Variants in USH2A observed in about 807,000 individuals in gnomAD.
USH2A encodes the protein Usher syndrome 2A (autosomal recessive, mild).
In USH2A, 443 loss-of-function variants were observed where a neutral mutation model predicts 538.9. The observed-to-expected ratio is 0.82, with a 90% CI of 0.76 to 0.89. The LOEUF (loss-of-function observed/expected upper bound fraction) is 0.89, where lower values mean the gene tolerates loss of function less well. USH2A is among the 40% of genes least tolerant of loss of function. The pLI is 0.00. For synonymous variants in USH2A, 2,413 were observed against 2,273.5 expected (o/e 1.06, Z -1.75); for missense variants, 6,633 against 6,324.8 (o/e 1.05, Z -1.65).
chr1:216,079,725 A>G (rs986331087), intron 26 of USH2A, among the ~76,000 whole-genome samples: 24 of 152,168 alleles, frequency 1.6e-4, no homozygotes, highest in Admixed American at 3.9e-4. Flanking sequence ...CAGACATAAG[A>G]AGTACACATT....
chr1:216,185,783 T>C (rs1466197774), intron 20 of USH2A, among the ~76,000 whole-genome samples: 1 of 152,008 alleles, frequency 6.6e-6, no homozygotes, highest in Admixed American at 6.6e-5. Context: ...TATGATTTAA[T>C]GTCTATACTT....
intron 3 of USH2A, among the ~76,000 whole-genome samples, chr1:216,386,540 ACTAT>A (rs1558065603): frequency 3.9e-5 from 2 of 51,070 alleles, no homozygotes; most frequent in African/African-American, 1.3e-4. Context: ...AAACCAAAAA[ACTAT>A]ATATATATAT....
intron 37 of USH2A, 134 bp downstream of exon 37, chr1:215,965,183 A>G (rs751038678): frequency 9.8e-7 from 1 of 1,016,200 alleles, no homozygotes; most frequent in Non-Finnish European, 1.4e-6. Context: ...GCTTATCCGT[A>G]TAGGTTATTT....
intron 21 of USH2A, among the ~76,000 whole-genome samples, chr1:216,136,514 AGATT>A (rs1282908583): frequency 6.6e-6 from 1 of 152,278 alleles, no homozygotes; most frequent in African/African-American, 2.4e-5. Context: ...TTCCTGCATC[AGATT>A]GATTCTTTAC....
At chr1:215,771,448 C>T (rs1328048859) in intron 55 of USH2A, among the ~76,000 whole-genome samples, 2 of 149,380 alleles carry the variant, frequency 1.3e-5, no homozygotes, top group Non-Finnish European at 3.0e-5. Context: ...GGCGTAGTGG[C>T]GGGCGCCTGC....
chr1:216,019,700 G>A (rs1668801735), intron 32 of USH2A, among the ~76,000 whole-genome samples: 1 of 152,148 alleles, frequency 6.6e-6, no homozygotes, highest in African/African-American at 2.4e-5. Context: ...CAAAGGCTGG[G>A]AGAGCGTCAC....
At chr1:216,088,877 G>A in intron 23 of USH2A, 136 bp downstream of exon 23, 1 of 1,358,770 alleles carries the variant, frequency 7.4e-7, no homozygotes, top group Non-Finnish European at 1.0e-6. Flanking sequence ...GCATCCCAAA[G>A]GCAAATTCAA....
At chr1:216,077,752 T>G (rs1201463872) in intron 27 of USH2A, among the ~76,000 whole-genome samples, 1 of 149,826 alleles carries the variant, frequency 6.7e-6, no homozygotes, top group Non-Finnish European at 1.5e-5. Flanking sequence ...ATTTTGATAT[T>G]TATTCAGTAA....
chr1:216,410,150 T>TCAAA lies in USH2A; in HGVS notation c.651+8363_651+8364insTTTG, dbSNP rs1558076080. ...TGTCAATCAAAACCACAATGAAAGA[T>TCAAA]ACCATCTCACATCAGTCAGAATGTC... On this transcript the variant is annotated intron_variant, in intron 3 of 71. Transcript: ENST00000307340. Among the ~76,000 whole-genome samples the TCAAA allele has an allele frequency of 2.3e-3, 307 of 132,050 alleles. 2 individuals are homozygous for TCAAA. The East Asian group carries it at 0.034, about 15-fold the overall frequency. 86.6% of individuals were successfully genotyped at this position (132,050 alleles called of 152,430 possible). A position where few individuals can be genotyped will look rare whatever the true frequency, so the allele number is the denominator to read the frequency against.
intron 30 of USH2A, among the ~76,000 whole-genome samples, chr1:216,057,745 A>G (rs2031029158): frequency 6.6e-6 from 1 of 152,184 alleles, no homozygotes; most frequent in South Asian, 2.1e-4. Flanking sequence ...TTTATGGTCT[A>G]CTATAAAAAC....
At chr1:215,910,178 T>A (rs993600301) in intron 38 of USH2A, among the ~76,000 whole-genome samples, 5 of 152,094 alleles carry the variant, frequency 3.3e-5, no homozygotes, top group Non-Finnish European at 7.4e-5. Flanking sequence ...GATAAGCTTT[T>A]TATTATATTA....
intron 11 of USH2A, among the ~76,000 whole-genome samples, chr1:216,262,877 A>G (rs1370237370): frequency 6.6e-6 from 1 of 152,050 alleles, no homozygotes; most frequent in African/African-American, 2.4e-5. Flanking sequence ...GATAATATTG[A>G]CAAACCATTA....
In USH2A at chr1:216,217,352, C is replaced by T. The variant is rs1324330; in HGVS notation, c.3157+35G>A. The stretch of plus-strand genomic sequence containing the variant: ...AGATGCAGTCCCCTGTATGATGCTG[C>T]TTCACACACCAGCACTGAACCAGAG... On this transcript the variant is annotated intron_variant, in intron 15 of 71. Transcript: ENST00000307340. The T allele has an allele frequency of 0.62, 993,689 of 1,609,818 alleles. 311,803 individuals are homozygous for T. The highest frequency in any genetic ancestry group is 0.79 in the East Asian group (35,268 of 44,530).
At chr1:216,083,724 T>C in intron 25 of USH2A, 138 bp from the exon 26 acceptor site, 1 of 865,896 alleles carries the variant, frequency 1.2e-6, no homozygotes, top group Non-Finnish European at 1.8e-6. Context: ...TGTTAAGAAA[T>C]TCCTTTTGTA....
At chr1:215,979,471 T>C (rs1202540519) in intron 35 of USH2A, among the ~76,000 whole-genome samples, 1 of 152,186 alleles carries the variant, frequency 6.6e-6, no homozygotes, top group Non-Finnish European at 1.5e-5. Flanking sequence ...TAAAGTCATA[T>C]ACAGAAAAAA....
At chr1:215,937,646 C>T (rs956318438) in intron 37 of USH2A, among the ~76,000 whole-genome samples, 1 of 152,064 alleles carries the variant, frequency 6.6e-6, no homozygotes, top group Non-Finnish European at 1.5e-5. Flanking sequence ...ATTACATGCT[C>T]AATTGTAAAC....
At chr1:215,740,194 TC>T (rs1055479790) in intron 60 of USH2A, among the ~76,000 whole-genome samples, 4 of 152,098 alleles carry the variant, frequency 2.6e-5, no homozygotes, top group Non-Finnish European at 5.9e-5. Context: ...CCTCCATCTC[TC>T]CCTCATTCTC....
chr1:215,749,418 A>G (rs1660563915), intron 58 of USH2A, among the ~76,000 whole-genome samples: 1 of 152,208 alleles, frequency 6.6e-6, no homozygotes, highest in Admixed American at 6.5e-5. Context: ...CTTTACATAT[A>G]CCTATGAGGT....
chr1:215,972,506 T>C (rs1667519918), intron 35 of USH2A, among the ~76,000 whole-genome samples: 1 of 152,186 alleles, frequency 6.6e-6, no homozygotes, highest in Admixed American at 6.6e-5. Context: ...AGCCCTTCTT[T>C]ACAACACCTT....
Sources: gnomAD v4.1 joint callset for allele counts (sites outside exome capture counted in the v4.1 genomes callset) on GRCh38, gnomAD v4.1.1 for gene constraint, MANE v1.5 for transcripts, NCBI Gene and HGNC (gene_info 2026-07-23, HGNC 2026-07-21) for gene names.